Variants in PPL observed in about 807,000 individuals in gnomAD.
PPL encodes the protein 190 kDa paraneoplastic pemphigus antigen.
A neutral mutation model predicts 194.4 loss-of-function variants in PPL; 198 were observed. That is an observed-to-expected ratio of 1.02 (90% CI 0.91 to 1.15). The LOEUF (loss-of-function observed/expected upper bound fraction) is 1.15. Ranked by LOEUF, PPL falls within the 50% of genes most tolerant of loss-of-function variation. The pLI, the probability that PPL is intolerant of heterozygous loss-of-function variation, is 0.00. For missense variants in PPL, 2,885 were observed against 2,294.8 expected, an observed-to-expected ratio of 1.26 and a Z score of -5.25; for synonymous variants, 1,220 against 972.4, an observed-to-expected ratio of 1.25 and a Z score of -4.74.
intron 1 of PPL, among the ~76,000 whole-genome samples, chr16:4,920,595 T>G (rs1304614339): frequency 6.6e-6 from 1 of 152,108 alleles, no homozygotes; most frequent in Non-Finnish European, 1.5e-5. Context: ...CCCGAGTAGC[T>G]GGGATTACAG....
In PPL at chr16:4,883,622, C is replaced by A. The variant is rs764371812; in HGVS notation, c.5033G>T (p.Gly1678Val). The A allele has an allele frequency of 1.2e-6, 2 of 1,614,166 alleles. No homozygotes were observed. The highest frequency in any genetic ancestry group is 1.7e-6 in the Non-Finnish European group (2 of 1,180,024). Residue 1678 changes from glycine (G) to valine (V), a missense_variant, in exon 22 of 22, where the codon GGG (glycine) becomes GTG (valine). Physicochemically the swap from Gly to Val is moderately radical, Grantham distance 109. Transcript: ENST00000345988. This position sits in a 1 kb window ranked among gnomAD's most constrained non-coding sequence, Gnocchi z 4.8. ...ELSPEEAHRA[G>V]LIDWNMFVKL... ...CACGAACATGTTCCAGTCAATGAGCCCGGCACGGTGGGCTTCCTCCGGGGA... is the reference window on the plus strand; with the variant it reads ...CACGAACATGTTCCAGTCAATGAGCACGGCACGGTGGGCTTCCTCCGGGGA...
chr16:4,918,415 G>C (rs1375533593), intron 1 of PPL, among the ~76,000 whole-genome samples: 1 of 152,084 alleles, frequency 6.6e-6, no homozygotes, highest in Non-Finnish European at 1.5e-5. Flanking sequence ...TAATCCCCCA[G>C]CAGCCTGGAA....
intron 1 of PPL, among the ~76,000 whole-genome samples, chr16:4,928,658 T>C (rs574653111): frequency 3.9e-4 from 60 of 152,192 alleles, no homozygotes; most frequent in Admixed American, 7.2e-4. Context: ...TGGGAAAGGA[T>C]TCCAAGTTTG....
rs192402411 is a variant in PPL at position 4,910,571 on chromosome 16, G to A, written c.162+279C>T. Among the ~76,000 whole-genome samples the A allele has an allele frequency of 9.2e-5, 14 of 152,232 alleles. No individual in the cohort carries two copies. The East Asian group carries it at 1.4e-3, about 15-fold the overall frequency. On this transcript the variant is annotated intron_variant, in intron 2 of 21. Transcript: ENST00000345988. Reference sequence around the variant, plus strand: ...GTATCCGGGAGGTACTAGTATTAACGACAATGGCCAGGTTCCTCTCACAGA... The same window carrying A: ...GTATCCGGGAGGTACTAGTATTAACAACAATGGCCAGGTTCCTCTCACAGA...
Position 4,902,541 on chromosome 16 carries a change from G to T in PPL, c.318-15C>A. 1.2e-6 allele frequency: 2 copies of T among 1,610,884 alleles called. No individual in the cohort carries two copies. The highest frequency in any genetic ancestry group is 1.7e-6 in the Non-Finnish European group (2 of 1,178,432). ...GCTGGCGGATACTGATGGGAGAGAGGCTCCCACTTAGTGGGGCTGGTTGGC... is the reference window on the plus strand; with the variant it reads ...GCTGGCGGATACTGATGGGAGAGAGTCTCCCACTTAGTGGGGCTGGTTGGC... On this transcript the variant is annotated splice_polypyrimidine_tract_variant and intron_variant, in intron 3 of 21. Transcript: ENST00000345988. The surrounding 1 kb of genome is among the most constrained non-coding windows in gnomAD (Gnocchi z 4.0).
chr16:4,917,464 G>T (rs2088947244), intron 1 of PPL, among the ~76,000 whole-genome samples: 1 of 152,150 alleles, frequency 6.6e-6, no homozygotes, highest in South Asian at 2.1e-4. Context: ...ATCTACAGGA[G>T]CAGAAAGTGG....
chr16:4,907,853 T>A (rs943437377), intron 2 of PPL, among the ~76,000 whole-genome samples: 5 of 151,988 alleles, frequency 3.3e-5, no homozygotes, highest in African/African-American at 1.2e-4. Context: ...TCAAGTGGGT[T>A]CAGTTGAAGT....
At chr16:4,900,447 TTTTTTTTTTA>T (rs2088539198) in intron 6 of PPL, among the ~76,000 whole-genome samples, 1 of 120,846 alleles carries the variant, frequency 8.3e-6, no homozygotes, top group South Asian at 2.8e-4. Context: ...TTTTTTTTTT[TTTTTTTTTTA>T]AAGGCAGGGT....
chr16:4,928,335 T>C (rs1192598817), intron 1 of PPL, among the ~76,000 whole-genome samples: 1 of 152,238 alleles, frequency 6.6e-6, no homozygotes, highest in Admixed American at 6.5e-5. Flanking sequence ...TCCCAGAGTG[T>C]TGGGATTACA....
At chr16:4,907,273 A>G (rs925093947) in intron 2 of PPL, among the ~76,000 whole-genome samples, 1 of 151,250 alleles carries the variant, frequency 6.6e-6, no homozygotes, top group African/African-American at 2.4e-5. Context: ...ATAAAAAATA[A>G]AAATAAAAAA....
intron 9 of PPL, among the ~76,000 whole-genome samples, chr16:4,897,402 C>G (rs1596553615): frequency 6.7e-6 from 1 of 150,226 alleles, no homozygotes; most frequent in South Asian, 2.1e-4. Flanking sequence ...TAGATTTTAC[C>G]AAAATTAAAA....
intron 1 of PPL, among the ~76,000 whole-genome samples, chr16:4,915,358 G>A (rs1346188194): frequency 6.6e-6 from 1 of 152,232 alleles, no homozygotes; most frequent in Admixed American, 6.5e-5. Flanking sequence ...CCCTACCCTC[G>A]TACAGCCTCC....
chr16:4,893,786 G>A (rs1302113426), intron 12 of PPL, 148 bp from the exon 13 acceptor site: 7 of 632,256 alleles, frequency 1.1e-5, no homozygotes, highest in East Asian at 8.3e-5. Flanking sequence ...CTGTGGCACT[G>A]GCCTTTCTGT....
In PPL at chr16:4,884,527, A is replaced by C. The variant is rs1013411214; in HGVS notation, c.4128T>G (p.Asp1376Glu). The C allele has an allele frequency of 1.8e-5, 29 of 1,611,750 alleles. No homozygotes were observed. The highest frequency in any genetic ancestry group is 2.4e-5 in the Non-Finnish European group (28 of 1,179,592). Reference sequence around the variant, plus strand: ...GCTTGTCAATCTGCCGCAGCTCCACATCGATGCTCTCGGCAAAGGCGCTCG... The same window carrying C: ...GCTTGTCAATCTGCCGCAGCTCCACCTCGATGCTCTCGGCAAAGGCGCTCG... ...AEASAFAESI[D>E]VELRQIDKLR... The change falls in exon 22 of 22, where the codon GAT becomes GAG. Residue 1376 changes from aspartate to glutamate, a missense_variant. Asp to Glu is a conservative substitution (Grantham distance 45). Transcript: ENST00000345988. This position sits in a 1 kb window ranked among gnomAD's most constrained non-coding sequence, Gnocchi z 5.7.
In PPL at chr16:4,884,119, G is replaced by T. The variant is rs1017045108; in HGVS notation, c.4536C>A (p.Thr1512=). Residue 1512 remains threonine (T), a synonymous_variant, in exon 22 of 22, where the codon ACC becomes ACA. Transcript: ENST00000345988. The surrounding 1 kb of genome is among the most constrained non-coding windows in gnomAD (Gnocchi z 5.7). ...SESVQVEKGD[T]EQEIQRLKSS... ...TCTTGAGCCTCTGGATCTCTTGCTC[G>T]GTGTCGCCCTTCTCCACCTGGACAC... 6.2e-7 allele frequency: 1 copy of T among 1,613,310 alleles called. No homozygotes were observed. The highest frequency in any genetic ancestry group is 8.5e-7 in the Non-Finnish European group (1 of 1,179,972).
chr16:4,883,672 G>C lies in PPL; in HGVS notation c.4983C>G (p.Ile1661Met). 1 of 1,614,136 alleles carries C rather than the reference G, an allele frequency of 6.2e-7. No homozygotes were observed. The highest frequency in any genetic ancestry group is 8.5e-7 in the Non-Finnish European group (1 of 1,180,014). ...ENHLRRSIVV[I>M]HPDTGRELSP... ...ACAGCTCGCGGCCTGTGTCAGGGTG[G>C]ATGACTACGATGGAGCGCCGCAGGT... Residue 1661 changes from isoleucine (I) to methionine (M), a missense_variant, in exon 22 of 22, where the codon ATC (isoleucine) becomes ATG (methionine). Coordinates refer to ENST00000345988, the MANE Select transcript of PPL (RefSeq NM_002705.5). The surrounding 1 kb of genome is among the most constrained non-coding windows in gnomAD (Gnocchi z 4.8).
At chr16:4,903,826 C>T (rs1386097016) in intron 3 of PPL, 60 bp downstream of exon 3, 5 of 1,594,900 alleles carry the variant, frequency 3.1e-6, no homozygotes, top group African/African-American at 1.3e-5. Context: ...GAACAGGACC[C>T]CCCGCCCTGG....
At chr16:4,909,758 T>C (rs1165402263) in intron 2 of PPL, among the ~76,000 whole-genome samples, 1 of 152,158 alleles carries the variant, frequency 6.6e-6, no homozygotes, top group South Asian at 2.1e-4. Flanking sequence ...CGCCCCTGCA[T>C]AGGGATGCCA....
chr16:4,916,342 G>A (rs1454134185), intron 1 of PPL, among the ~76,000 whole-genome samples: 1 of 151,646 alleles, frequency 6.6e-6, no homozygotes, highest in African/African-American at 2.4e-5. Context: ...CTCCCGAGTA[G>A]CTAGGATTAC....
Sources: gnomAD v4.1 joint callset for allele counts (sites outside exome capture counted in the v4.1 genomes callset) on GRCh38, gnomAD v4.1.1 for gene constraint, Gnocchi (gnomAD v3.1) non-coding constraint, MANE v1.5 for transcripts, NCBI Gene and HGNC (gene_info 2026-07-23, HGNC 2026-07-21) for gene names.